Variants in RYR3 observed in about 807,000 individuals in gnomAD.
RYR3 encodes the protein ryanodine receptor 3.
Under a neutral mutation model 584.3 loss-of-function variants are expected in RYR3, and 207 were observed. The ratio of observed to expected loss-of-function variants is 0.35; its 90% CI spans 0.32 to 0.40. RYR3 has a LOEUF of 0.40. Ranked by LOEUF, RYR3 falls within the 10% of genes least tolerant of loss-of-function variation. The pLI, the probability that RYR3 is intolerant of heterozygous loss-of-function variation, is 1.00. For synonymous variants in RYR3, 2,416 were observed against 2,248.5 expected (o/e 1.07, Z -2.11); for missense variants, 5,616 against 6,089.2 (o/e 0.92, Z 2.59).
At position 33,844,871 on chromosome 15, in the gene RYR3, G is replaced by T; in HGVS notation, c.13306G>T (p.Glu4436Ter). The T allele has an allele frequency of 6.2e-7, 1 of 1,610,774 alleles. No individual in the cohort carries two copies. Among genetic ancestry groups the T allele is most frequent in the Non-Finnish European group, 8.5e-7 (1 of 1,177,812 alleles). ...FILLFYKVTE[E>*]PLEEETEDVA... ...GTGTATTTTGAGCCAGGTCACTGAAGAACCTTTAGAAGAAGAGACAGAGGA... is the reference window on the plus strand; with the variant it reads ...GTGTATTTTGAGCCAGGTCACTGAATAACCTTTAGAAGAAGAGACAGAGGA... The change falls in exon 93 of 104, where the codon GAA (glutamate) becomes TAA (stop). Residue 4436 changes from glutamate to a stop codon, truncating the protein, a stop_gained. Coordinates refer to ENST00000634891, the MANE Select transcript of RYR3 (RefSeq NM_001036.6). LOFTEE classifies it high-confidence loss of function.
At chr15:33,409,347 TA>T (rs35423415) in intron 1 of RYR3, among the ~76,000 whole-genome samples, 100 of 141,730 alleles carry the variant, frequency 7.1e-4, no homozygotes, top group Middle Eastern at 3.6e-3. Flanking sequence ...TCAAAAAATC[TA>T]AAAAAAAAAA....
intron 3 of RYR3, among the ~76,000 whole-genome samples, chr15:33,523,120 G>A (rs1195784744): frequency 1.3e-5 from 2 of 152,086 alleles, no homozygotes; most frequent in African/African-American, 4.8e-5. Flanking sequence ...TCAGCACTCT[G>A]TGTCTAGCTA....
chr15:33,695,577 T>C (rs1437043558), intron 38 of RYR3, among the ~76,000 whole-genome samples: 2 of 152,162 alleles, frequency 1.3e-5, no homozygotes, highest in Non-Finnish European at 2.9e-5. Context: ...GTTCAGACTT[T>C]AGGATGATGC....
intron 45 of RYR3, 132 bp from the exon 46 acceptor site, chr15:33,726,254 C>G (rs769290160): frequency 2.1e-4 from 194 of 932,772 alleles, no homozygotes; most frequent in Non-Finnish European, 2.9e-4. Context: ...CCACAAGTGT[C>G]TGTAGCAATT....
intron 69 of RYR3, among the ~76,000 whole-genome samples, chr15:33,806,718 T>C (rs2076230646): frequency 6.6e-6 from 1 of 152,024 alleles, no homozygotes; most frequent in Non-Finnish European, 1.5e-5. Flanking sequence ...TCACTTTGGA[T>C]ATTCCTAGAG....
chr15:33,656,803 C>T (rs1566888456), intron 32 of RYR3, among the ~76,000 whole-genome samples: 1 of 152,178 alleles, frequency 6.6e-6, no homozygotes, highest in Non-Finnish European at 1.5e-5. Context: ...CACGTGGCCC[C>T]CTCCATTTCA....
At chr15:33,814,059 T>TAGAA (rs1361184892) in intron 74 of RYR3, among the ~76,000 whole-genome samples, 1 of 152,240 alleles carries the variant, frequency 6.6e-6, no homozygotes, top group Non-Finnish European at 1.5e-5. Context: ...TGTCAAAATA[T>TAGAA]AGAAAGGCTG....
chr15:33,321,011 T>C (rs1968892089), intron 1 of RYR3, among the ~76,000 whole-genome samples: 3 of 152,072 alleles, frequency 2.0e-5, no homozygotes, highest in Admixed American at 2.0e-4. Context: ...GCCTTGGGAG[T>C]ACAGATTGGG....
intron 31 of RYR3, among the ~76,000 whole-genome samples, chr15:33,651,908 C>T (rs8030043): frequency 1.3e-5 from 2 of 152,270 alleles, no homozygotes; most frequent in South Asian, 2.1e-4. Flanking sequence ...CTCTTGCCCA[C>T]GGTGGGGGGC....
chr15:33,428,351 G>T (rs2044824021), intron 1 of RYR3, among the ~76,000 whole-genome samples: 1 of 152,176 alleles, frequency 6.6e-6, no homozygotes, highest in African/African-American at 2.4e-5. Context: ...CTCAAAGAAA[G>T]GTTTTGCTTT....
chr15:33,387,965 T>A (rs554870086), intron 1 of RYR3, among the ~76,000 whole-genome samples: 94 of 152,118 alleles, frequency 6.2e-4, no homozygotes, highest in African/African-American at 1.7e-3. Flanking sequence ...ATAAAAAAAA[T>A]TTTAATTTCA....
intron 62 of RYR3, among the ~76,000 whole-genome samples, chr15:33,770,121 T>TAA (rs5811792): frequency 0.18 from 25,232 of 143,380 alleles, 2,375 homozygotes; most frequent in South Asian, 0.28. Context: ...ACCTCATCTT[T>TAA]AAAAAAAAAA....
In RYR3 at chr15:33,767,791, A is replaced by G. The variant is rs1040998185; in HGVS notation, c.8706-867A>G. 2.6e-5 allele frequency among the ~76,000 whole-genome samples: 4 copies of G among 152,158 alleles called. No individual in the cohort carries two copies. In the South Asian group the frequency reaches 8.3e-4, roughly 32 times the overall value. Reference sequence around the variant, plus strand: ...GTTCTTGTCTAGCCATGCCAGTGTCAGTAATGTCAGTTCTGAGCAATCTCT... The same window carrying G: ...GTTCTTGTCTAGCCATGCCAGTGTCGGTAATGTCAGTTCTGAGCAATCTCT... On this transcript the variant is annotated intron_variant, in intron 60 of 103. Transcript: ENST00000634891.
At chr15:33,470,562 A>C (rs1271442309) in intron 1 of RYR3, among the ~76,000 whole-genome samples, 2 of 152,218 alleles carry the variant, frequency 1.3e-5, no homozygotes, top group African/African-American at 4.8e-5. Context: ...GAGCAAATCT[A>C]GTAAAAGTAA....
intron 1 of RYR3, among the ~76,000 whole-genome samples, chr15:33,325,331 C>T (rs895016583): frequency 1.3e-5 from 2 of 152,238 alleles, no homozygotes; most frequent in African/African-American, 2.4e-5. Flanking sequence ...GTGTACTTGC[C>T]GATTAGGAGC....
At chr15:33,316,193 AT>A (rs1968146231) in intron 1 of RYR3, among the ~76,000 whole-genome samples, 1 of 152,310 alleles carries the variant, frequency 6.6e-6, no homozygotes. Flanking sequence ...AAGGATTTGT[AT>A]TTAAATAAGG....
In RYR3 at chr15:33,820,794, C is replaced by T. The variant is rs1238373764; in HGVS notation, c.10797C>T (p.Asp3599=). ...GTGAGGATGAAGAAGAAGATGAAGACAAGGAAAAAACATTCGAAGTAAGTT... is the reference window on the plus strand; with the variant it reads ...GTGAGGATGAAGAAGAAGATGAAGATAAGGAAAAAACATTCGAAGTAAGTT... ...QSGEDEEEDE[D]KEKTFEEKEM... is the part of the protein sequence containing the mutation. The change falls in exon 78 of 104, where the codon GAC becomes GAT. Residue 3599 remains aspartate (D), a synonymous_variant. Coordinates refer to ENST00000634891, the MANE Select transcript of RYR3 (RefSeq NM_001036.6). 6.2e-7 allele frequency: 1 copy of T among 1,601,692 alleles called. No individual in the cohort carries two copies. Among genetic ancestry groups the T allele is most frequent in the Non-Finnish European group, 8.5e-7 (1 of 1,174,006 alleles).
At chr15:33,589,904 GT>G in intron 16 of RYR3, among the ~76,000 whole-genome samples, 1 of 152,284 alleles carries the variant, frequency 6.6e-6, no homozygotes, top group East Asian at 1.9e-4. Flanking sequence ...TGTGTCATGT[GT>G]GTCCGTGTGA....
At chr15:33,667,178 T>G (rs2063534975) in intron 36 of RYR3, among the ~76,000 whole-genome samples, 2 of 152,218 alleles carry the variant, frequency 1.3e-5, no homozygotes, top group Non-Finnish European at 1.5e-5. Flanking sequence ...GTTCATGATT[T>G]AATAAGAGAT....
Sources: allele counts gnomAD v4.1 joint callset (sites outside exome capture counted in the v4.1 genomes callset), GRCh38; gene constraint gnomAD v4.1.1; transcripts MANE v1.5; gene names NCBI Gene and HGNC (gene_info 2026-07-23, HGNC 2026-07-21).